The following BICD1 variants were observed in gnomAD, a reference collection of about 807,000 sequenced individuals.
BICD1 encodes the protein BICD cargo adaptor 1, also known as protein bicaudal D homolog 1.
BICD1 carries 35 observed loss-of-function variants against 92.5 expected under a neutral mutation model. The observed-to-expected ratio is 0.38, with a 90% CI of 0.29 to 0.50. The LOEUF (loss-of-function observed/expected upper bound fraction) is 0.50, where lower values mean the gene tolerates loss of function less well. Ranked by LOEUF, BICD1 falls within the 20% of genes least tolerant of loss-of-function variation. The pLI is 0.93. For synonymous variants in BICD1, 429 were observed against 465.1 expected, an observed-to-expected ratio of 0.92 and a Z score of 1.00; for missense variants, 950 against 1,189.8, an observed-to-expected ratio of 0.80 and a Z score of 2.97.
At chr12:32,321,040 T>G (rs774963106) in intron 4 of BICD1, among the ~76,000 whole-genome samples, 1 of 152,130 alleles carries the variant, frequency 6.6e-6, no homozygotes, top group Non-Finnish European at 1.5e-5. Context: ...TCTAAAACAA[T>G]TTAGGCCAGG....
intron 2 of BICD1, among the ~76,000 whole-genome samples, chr12:32,238,268 G>A (rs766046686): frequency 4.6e-5 from 7 of 152,054 alleles, no homozygotes; most frequent in Admixed American, 1.3e-4. Flanking sequence ...CTTCAGTAGA[G>A]GAAGTACTCG....
intron 1 of BICD1, among the ~76,000 whole-genome samples, chr12:32,114,150 C>T (rs1251133149): frequency 6.6e-6 from 1 of 152,084 alleles, no homozygotes; most frequent in Non-Finnish European, 1.5e-5. Flanking sequence ...GGATTATAGG[C>T]ATGAGCCACC....
intron 1 of BICD1, among the ~76,000 whole-genome samples, chr12:32,144,460 G>T (rs1466565116): frequency 6.6e-6 from 1 of 152,144 alleles, no homozygotes; most frequent in Non-Finnish European, 1.5e-5. Flanking sequence ...TGTACAAGAG[G>T]CATAAATCCA....
Position 32,377,541 on chromosome 12 carries a change from CCTGACACAG to C in BICD1, c.2845_2853del (p.Asp949_Ala951del). 2 of 1,613,890 alleles carry C rather than the reference CCTGACACAG, an allele frequency of 1.2e-6. No homozygotes were observed. The highest frequency in any genetic ancestry group is 1.7e-6 in the Non-Finnish European group (2 of 1,179,820). On this transcript the variant is annotated inframe_deletion and splice_region_variant, in exon 10 of 10. Transcript: ENST00000652176. ...GACGTGCTTGTTTCTCCTTTCCAGTCCTGACACAGCTCTCCCTGAGGAGCAGCCACATTC... is the reference window on the plus strand; with the variant it reads ...GACGTGCTTGTTTCTCCTTTCCAGTCCTCTCCCTGAGGAGCAGCCACATTC...
At chr12:32,214,987 G>A (rs1030292978) in intron 1 of BICD1, among the ~76,000 whole-genome samples, 5 of 152,164 alleles carry the variant, frequency 3.3e-5, no homozygotes, top group Admixed American at 6.5e-5. Context: ...CCAGCACTCT[G>A]GGAGGCCAAG....
At chr12:32,135,492 C>T (rs642678) in intron 1 of BICD1, among the ~76,000 whole-genome samples, 3 of 48,914 alleles carry the variant, frequency 6.1e-5, no homozygotes, top group African/African-American at 6.6e-5. Context: ...CCTAGACCTG[C>T]TGGGTTTAAG....
intron 1 of BICD1, among the ~76,000 whole-genome samples, chr12:32,169,843 G>C (rs1162376928): frequency 6.6e-6 from 1 of 152,080 alleles, no homozygotes; most frequent in East Asian, 1.9e-4. Context: ...TCCTGACTTG[G>C]CCTCAGCCTC....
At chr12:32,258,009 A>G (rs1946764306) in intron 2 of BICD1, among the ~76,000 whole-genome samples, 1 of 152,154 alleles carries the variant, frequency 6.6e-6, no homozygotes, top group Admixed American at 6.5e-5. Context: ...TTGTTCATGT[A>G]TTTTGGAGCA....
chr12:32,256,449 G>A (rs1374042850), intron 2 of BICD1, among the ~76,000 whole-genome samples: 2 of 152,152 alleles, frequency 1.3e-5, no homozygotes, highest in East Asian at 3.9e-4. Context: ...CGAACCTTAA[G>A]GAGGTCAACT....
At chr12:32,252,230 A>G (rs1452563784) in intron 2 of BICD1, among the ~76,000 whole-genome samples, 1 of 139,968 alleles carries the variant, frequency 7.1e-6, no homozygotes, top group Admixed American at 7.9e-5. Flanking sequence ...TATATATTAT[A>G]TATATAACTT....
intron 2 of BICD1, among the ~76,000 whole-genome samples, chr12:32,284,746 C>T (rs76382154): frequency 5.3e-5 from 8 of 152,196 alleles, no homozygotes; most frequent in African/African-American, 2.4e-5. Context: ...GAATTTCCTG[C>T]GGAATCTTTC....
intron 4 of BICD1, among the ~76,000 whole-genome samples, chr12:32,307,368 G>A (rs73295804): frequency 0.1 from 15,195 of 152,128 alleles, 876 homozygotes; most frequent in African/African-American, 0.15. Flanking sequence ...TGAAAAAATC[G>A]CTTTCTAGTT....
intron 2 of BICD1, among the ~76,000 whole-genome samples, chr12:32,272,454 C>T (rs1484587845): frequency 6.6e-6 from 1 of 152,208 alleles, no homozygotes; most frequent in African/African-American, 2.4e-5. Context: ...AGACCTTTCT[C>T]TGGAGCCTCA....
In BICD1 at chr12:32,343,560, A is replaced by G. The variant is rs530302188; in HGVS notation, c.2764+4581A>G. 1.3e-3 allele frequency among the ~76,000 whole-genome samples: 199 copies of G among 152,268 alleles called. 2 individuals carry two copies. The highest frequency in any genetic ancestry group is 4.6e-3 in the African/African-American group (193 of 41,546). On this transcript the variant is annotated intron_variant, in intron 8 of 9. Coordinates refer to ENST00000652176, the MANE Select transcript of BICD1 (RefSeq NM_001714.4). ...GAACTCAATCTGGAAGTAATAGCCT[A>G]AGCAGCTTGCTCTTCACACTGTGTT...
chr12:32,327,894 T>A lies in BICD1; in HGVS notation c.1439T>A (p.Met480Lys). Reference protein sequence around the residue: ...EKTTKESGEKMAHMEKELQKM... With the variant: ...EKTTKESGEKKAHMEKELQKM... ...ACCACCAAGGAGAGTGGTGAGAAGA[T>A]GGCCCACATGGAGAAGGAGTTGCAA... The change falls in exon 5 of 10, where the codon ATG becomes AAG. Residue 480 changes from methionine to lysine, a missense_variant. Met to Lys is a moderately conservative substitution (Grantham distance 95). Coordinates refer to ENST00000652176, the MANE Select transcript of BICD1 (RefSeq NM_001714.4). The A allele has an allele frequency of 6.2e-7, 1 of 1,614,146 alleles. No individual in the cohort carries two copies. The highest frequency in any genetic ancestry group is 8.5e-7 in the Non-Finnish European group (1 of 1,180,024).
At chr12:32,282,588 C>T (rs561408047) in intron 2 of BICD1, among the ~76,000 whole-genome samples, 12 of 151,982 alleles carry the variant, frequency 7.9e-5, no homozygotes, top group Non-Finnish European at 1.2e-4. Context: ...ATCATCAGCA[C>T]GCAAGGAGGT....
intron 2 of BICD1, among the ~76,000 whole-genome samples, chr12:32,231,898 C>T (rs1451058045): frequency 1.3e-5 from 2 of 151,856 alleles, no homozygotes; most frequent in Non-Finnish European, 2.9e-5. Context: ...TCATCCATGT[C>T]CCTACAAAGG....
intron 1 of BICD1, among the ~76,000 whole-genome samples, chr12:32,180,779 G>A (rs1205295233): frequency 3.3e-5 from 5 of 151,864 alleles, no homozygotes; most frequent in African/African-American, 9.7e-5. Flanking sequence ...TACTGGTTTT[G>A]TAAGCTAGAT....
intron 2 of BICD1, among the ~76,000 whole-genome samples, chr12:32,218,443 A>G (rs1945422050): frequency 6.6e-6 from 1 of 152,176 alleles, no homozygotes; most frequent in Non-Finnish European, 1.5e-5. Context: ...ACAAGTTCCC[A>G]GGTGATGTGG....
Sources: gnomAD v4.1 joint callset for allele counts (sites outside exome capture counted in the v4.1 genomes callset) on GRCh38, gnomAD v4.1.1 for gene constraint, MANE v1.5 for transcripts, NCBI Gene and HGNC (gene_info 2026-07-23, HGNC 2026-07-21) for gene names.